The following NF2 variants were observed in gnomAD, a reference collection of about 807,000 sequenced individuals.
NF2 encodes NF2, moesin-ezrin-radixin like (MERLIN) tumor suppressor, also known as merlin.
A neutral mutation model predicts 83.7 loss-of-function variants in NF2; 8 were observed. The ratio of observed to expected loss-of-function variants is 0.10; its 90% CI spans 0.06 to 0.17. NF2 has a LOEUF of 0.17. Among genes scored for constraint, NF2 ranks in the 10% least tolerant of loss-of-function variants. The pLI is 1.00. For missense variants in NF2, 533 were observed against 744.4 expected (o/e 0.72, Z 3.31); for synonymous variants, 266 against 269.6 (o/e 0.99, Z 0.13).
At chr22:29,687,752 C>T (rs561503193) in intron 15 of NF2, among the ~76,000 whole-genome samples, 3 of 152,212 alleles carry the variant, frequency 2.0e-5, no homozygotes, top group Non-Finnish European at 4.4e-5. Context: ...ACCTTCCCTG[C>T]TAGAGCAAGG....
At chr22:29,662,608 A>G (rs1170734563) in intron 8 of NF2, among the ~76,000 whole-genome samples, 10 of 152,246 alleles carry the variant, frequency 6.6e-5, no homozygotes, top group Non-Finnish European at 1.5e-4. Context: ...TTCCACATAC[A>G]AGCACATTCA....
intron 7 of NF2, among the ~76,000 whole-genome samples, chr22:29,660,649 A>C (rs1435049473): frequency 6.6e-6 from 1 of 152,176 alleles, no homozygotes; most frequent in Non-Finnish European, 1.5e-5. Context: ...AGCTCACTGC[A>C]GCCTTCTGGG....
intron 13 of NF2, 28 bp from the exon 14 acceptor site, chr22:29,678,168 C>T (rs756240285): frequency 1.9e-6 from 3 of 1,613,282 alleles, no homozygotes; most frequent in Non-Finnish European, 2.5e-6. Flanking sequence ...ATGACCCAAG[C>T]TCCTAATCCG....
intron 8 of NF2, among the ~76,000 whole-genome samples, chr22:29,664,596 G>A (rs1371585760): frequency 2.0e-5 from 3 of 152,204 alleles, no homozygotes; most frequent in Non-Finnish European, 4.4e-5. Context: ...AATATTTGAT[G>A]TGATTTCTTG....
intron 1 of NF2, among the ~76,000 whole-genome samples, chr22:29,631,015 A>G (rs990650256): frequency 6.6e-6 from 1 of 152,180 alleles, no homozygotes; most frequent in Non-Finnish European, 1.5e-5. Flanking sequence ...TTGGAGCCCC[A>G]CAGGTATTGT....
intron 14 of NF2, among the ~76,000 whole-genome samples, chr22:29,680,292 A>G (rs567724680): frequency 6.6e-6 from 1 of 152,198 alleles, no homozygotes; most frequent in South Asian, 2.1e-4. Flanking sequence ...TTGTATTTTT[A>G]GTAGAGATGG....
At chr22:29,605,402 A>T (rs149198369) in intron 1 of NF2, among the ~76,000 whole-genome samples, 1,620 of 152,124 alleles carry the variant, frequency 0.011, 27 homozygotes, top group Admixed American at 0.031. Flanking sequence ...TGACCTCGTG[A>T]CCAGCCGACC....
chr22:29,665,189 C>A, intron 9 of NF2, 125 bp downstream of exon 9: 1 of 790,418 alleles, frequency 1.3e-6, no homozygotes, highest in Non-Finnish European at 2.2e-6. Flanking sequence ...TTGGCGCATA[C>A]TTTCTGTTTA....
intron 15 of NF2, among the ~76,000 whole-genome samples, chr22:29,691,250 C>T (rs1230802614): frequency 6.6e-6 from 1 of 152,130 alleles, no homozygotes; most frequent in South Asian, 2.1e-4. Flanking sequence ...TGCTGGATTG[C>T]CAAAGGGAGC....
intron 8 of NF2, 76 bp from the exon 9 acceptor site, chr22:29,664,914 G>T (rs562922684): frequency 2.9e-6 from 3 of 1,045,706 alleles, no homozygotes; most frequent in Non-Finnish European, 4.4e-6. Flanking sequence ...GTGTGGTTGC[G>T]CATTTGTGGA....
At position 29,694,001 on chromosome 22, in the gene NF2, G is replaced by A. The variant is rs1055620116; in HGVS notation, c.1738-751G>A. Reference sequence around the variant, plus strand: ...GAAGTGGCCCAGAGTCAAGGGCTTAGGAGGTTGCAAACCTCACTATGCCAA... The same window carrying A: ...GAAGTGGCCCAGAGTCAAGGGCTTAAGAGGTTGCAAACCTCACTATGCCAA... On this transcript the variant is annotated intron_variant, in intron 15 of 15. Transcript: ENST00000338641. This position sits in a 1 kb window ranked among gnomAD's most constrained non-coding sequence, Gnocchi z 4.1. Among the ~76,000 whole-genome samples, 1 of 152,180 alleles carries A rather than the reference G, an allele frequency of 6.6e-6. No homozygotes were observed. The highest frequency in any genetic ancestry group is 2.4e-5 in the African/African-American group (1 of 41,444).
At chr22:29,683,539 C>A in intron 15 of NF2, 1 of 1,117,980 alleles carries the variant, frequency 8.9e-7, no homozygotes, top group Non-Finnish European at 1.1e-6. Context: ...GGTAGTGGGG[C>A]AAAAGGGTTG....
chr22:29,673,219 G>A (rs752268567), intron 11 of NF2, 50 bp from the exon 12 acceptor site: 32 of 1,538,620 alleles, frequency 2.1e-5, no homozygotes, highest in Non-Finnish European at 2.6e-5. Flanking sequence ...AGATCTGGGC[G>A]GGAGAACAGC....
rs2066777195 is a variant in NF2 at position 29,671,302 on chromosome 22, G to GGGT, written c.1000-521_1000-519dup. 3.3e-5 allele frequency among the ~76,000 whole-genome samples: 5 copies of GGGT among 152,284 alleles called. No individual in the cohort carries two copies. In the South Asian group the frequency reaches 1.0e-3, roughly 32 times the overall value. On this transcript the variant is annotated intron_variant, in intron 10 of 15. Transcript: ENST00000338641. ...TCCCAGCACTTTGGGAGGCCAAGGT[G>GGGT]GGTGGATCATAAGGTCAGGAGTTCA...
rs1315864235 is a variant in NF2 at position 29,695,825 on chromosome 22, TG to T, written c.*1024del. On this transcript the variant is annotated 3_prime_UTR_variant, in exon 16 of 16. Coordinates refer to ENST00000338641, the MANE Select transcript of NF2 (RefSeq NM_000268.4). The surrounding 1 kb of genome is among the most constrained non-coding windows in gnomAD (Gnocchi z 5.4). ...GGCCACAGCCCACTTCCCAACCCAC[TG>T]TTGTACCCAGGCCTCACTTTGCTGT... 4.3e-6 allele frequency: 1 copy of T among 233,534 alleles called. No individual in the cohort carries two copies. Among genetic ancestry groups the T allele is most frequent in the African/African-American group, 2.2e-5 (1 of 45,346 alleles). 14.5% of individuals were successfully genotyped at this position (233,534 alleles called of 1,614,324 possible). A position where few individuals can be genotyped will look rare whatever the true frequency, so the allele number is the denominator to read the frequency against.
rs1171019939 is a variant in NF2 at position 29,608,093 on chromosome 22, A to G, written c.114+3981A>G. 2.1e-5 allele frequency among the ~76,000 whole-genome samples: 3 copies of G among 145,456 alleles called. No homozygotes were observed. The Admixed American group carries it at 2.1e-4, about 10-fold the overall frequency. ...GAGGCTGAGGCAGGAGAATTCCTTGAACCTGGGAGGCGGAGGTTGCAGTGA... is the reference window on the plus strand; with the variant it reads ...GAGGCTGAGGCAGGAGAATTCCTTGGACCTGGGAGGCGGAGGTTGCAGTGA... On this transcript the variant is annotated intron_variant, in intron 1 of 15. Transcript: ENST00000338641.
intron 1 of NF2, among the ~76,000 whole-genome samples, chr22:29,617,903 G>A (rs2065119853): frequency 6.6e-6 from 1 of 152,144 alleles, no homozygotes; most frequent in Admixed American, 6.6e-5. Context: ...CTTCTACTTT[G>A]GACAAGTTAC....
chr22:29,658,152 T>C, intron 6 of NF2, 37 bp from the exon 7 acceptor site: 1 of 1,602,320 alleles, frequency 6.2e-7, no homozygotes, highest in South Asian at 1.1e-5. Context: ...CCCATCTCAC[T>C]TAGCTCCAAT....
chr22:29,619,169 C>T (rs761107138), intron 1 of NF2, among the ~76,000 whole-genome samples: 5 of 151,716 alleles, frequency 3.3e-5, no homozygotes, highest in Admixed American at 2.0e-4. Flanking sequence ...CTCAGCCTCC[C>T]GAATAGCTGG....
Sources: gnomAD v4.1 joint callset for allele counts (sites outside exome capture counted in the v4.1 genomes callset) on GRCh38, gnomAD v4.1.1 for gene constraint, Gnocchi (gnomAD v3.1) non-coding constraint, MANE v1.5 for transcripts, NCBI Gene and HGNC (gene_info 2026-07-23, HGNC 2026-07-21) for gene names.